KSR2: variants seen among roughly 807,000 people sequenced by gnomAD.
KSR2 encodes the protein kinase suppressor of ras 2.
A neutral mutation model predicts 107.8 loss-of-function variants in KSR2; 25 were observed. The ratio of observed to expected loss-of-function variants is 0.23; its 90% confidence interval spans 0.17 to 0.32. KSR2 has a LOEUF of 0.32. KSR2 is among the 10% of genes least tolerant of loss of function. KSR2 has a pLI of 1.00. For synonymous variants in KSR2, 480 were observed against 507.0 expected (o/e 0.95, Z 0.71); for missense variants, 887 against 1,268.9 (o/e 0.70, Z 4.57).
intron 7 of KSR2, among the ~76,000 whole-genome samples, chr12:117,577,640 T>A (rs1879366551): frequency 6.6e-6 from 1 of 152,112 alleles, no homozygotes; most frequent in Non-Finnish European, 1.5e-5. Flanking sequence ...CAAAAGGCAC[T>A]TCTTACATGG....
chr12:117,968,907 G>T lies in KSR2; in HGVS notation c.-652C>A. 1 of 257,852 alleles carries T rather than the reference G, an allele frequency of 3.9e-6. No individual in the cohort carries two copies. Among genetic ancestry groups the T allele is most frequent in the Middle Eastern group, 1.1e-3 (1 of 918 alleles). The allele number at this position is 257,852 out of a possible 1,614,324, so 16.0% of individuals were successfully genotyped here. ...TCCTCCCCGCGCTGCTGCTGCTGCT[G>T]CTGCTGCCGCCGCCGGGCTCCGGGG... On this transcript the variant is annotated 5_prime_UTR_variant, in exon 1 of 20. Coordinates refer to ENST00000339824, the MANE Select transcript of KSR2 (RefSeq NM_173598.6).
chr12:117,634,670 G>T (rs988202739), intron 5 of KSR2, among the ~76,000 whole-genome samples: 4 of 152,138 alleles, frequency 2.6e-5, no homozygotes, highest in Non-Finnish European at 5.9e-5. Flanking sequence ...AGGAATCAGG[G>T]CTGGATCCCA....
At chr12:117,472,531 T>C (rs770848035) in intron 17 of KSR2, among the ~76,000 whole-genome samples, 1 of 152,212 alleles carries the variant, frequency 6.6e-6, no homozygotes, top group African/African-American at 2.4e-5. Context: ...TAAGATTTCA[T>C]GTAAGTTTGC....
chr12:117,589,402 C>T (rs1021549626), intron 5 of KSR2, among the ~76,000 whole-genome samples: 1 of 152,078 alleles, frequency 6.6e-6, no homozygotes, highest in Non-Finnish European at 1.5e-5. Context: ...TCCATAATTC[C>T]CTTTTAGGTG....
At chr12:117,646,661 C>T (rs983950800) in intron 5 of KSR2, among the ~76,000 whole-genome samples, 9 of 152,192 alleles carry the variant, frequency 5.9e-5, no homozygotes, top group Non-Finnish European at 1.2e-4. Context: ...ATGGAGTCAG[C>T]ATCGAGTTTC....
intron 1 of KSR2, among the ~76,000 whole-genome samples, chr12:117,882,040 G>A (rs1420093096): frequency 1.3e-5 from 2 of 152,162 alleles, no homozygotes; most frequent in Non-Finnish European, 2.9e-5. Flanking sequence ...GCAACTGTAA[G>A]TCTCAGGATG....
At chr12:117,803,028 T>C (rs1049066723) in intron 3 of KSR2, among the ~76,000 whole-genome samples, 1 of 152,232 alleles carries the variant, frequency 6.6e-6, no homozygotes, top group African/African-American at 2.4e-5. Flanking sequence ...GTTTACCTGA[T>C]CTATTTGATG....
Position 117,968,240 on chromosome 12 carries a change from T to C in KSR2, c.16A>G (p.Met6Val). The change falls in exon 1 of 20, where the codon ATG becomes GTG. Residue 6 changes from methionine (M) to valine (V), a missense_variant. This residue lies in a region of KSR2 where 32 missense variants were observed against 25.9 expected (regional missense o/e 1.23). Coordinates refer to ENST00000339824, the MANE Select transcript of KSR2 (RefSeq NM_173598.6). MDEENMTKSEEQQPLS... is the reference protein window; with the variant it reads MDEENVTKSEEQQPLS... ...GGCTGCTGCTCCTCGCTTTTCGTCA[T>C]GTTTTCCTCATCCATCGCTTGCTCT... 2 of 1,593,496 alleles carry C rather than the reference T, an allele frequency of 1.3e-6. No homozygotes were observed. The highest frequency in any genetic ancestry group is 2.3e-5 in the South Asian group (2 of 88,428).
In KSR2 at chr12:117,466,382, A is replaced by C. The variant is rs1231810330; in HGVS notation, c.*817T>G. ...GGTGAGCTCTAAGGAGCCCCTCAGA[A>C]GTCATCTTGGCTTTCCAAATGGCAA... On this transcript the variant is annotated 3_prime_UTR_variant, in exon 20 of 20. Transcript: ENST00000339824. 2.0e-5 allele frequency: 3 copies of C among 152,178 alleles called. No individual in the cohort carries two copies. The highest frequency in any genetic ancestry group is 6.5e-5 in the Admixed American group (1 of 15,280). 9.4% of individuals were successfully genotyped at this position (152,178 alleles called of 1,614,324 possible).
intron 5 of KSR2, among the ~76,000 whole-genome samples, chr12:117,607,951 G>A (rs11068569): frequency 2.0e-5 from 3 of 152,074 alleles, no homozygotes; most frequent in Non-Finnish European, 4.4e-5. Context: ...GGTACCTGCC[G>A]GTCCTCAGCA....
At chr12:117,513,885 C>T (rs533848122) in intron 14 of KSR2, among the ~76,000 whole-genome samples, 1 of 152,312 alleles carries the variant, frequency 6.6e-6, no homozygotes, top group African/African-American at 2.4e-5. Flanking sequence ...TTTTGAATCT[C>T]TTTCATGATC....
chr12:117,875,467 A>C (rs1893811521), intron 1 of KSR2, among the ~76,000 whole-genome samples: 2 of 152,020 alleles, frequency 1.3e-5, no homozygotes, highest in African/African-American at 2.4e-5. Flanking sequence ...AGCAGCGCCA[A>C]GGGAAGGGGC....
chr12:117,466,126 A>G lies in KSR2; in HGVS notation c.*1073T>C, dbSNP rs1871134592. The G allele has an allele frequency of 6.6e-6, 1 of 152,342 alleles. No individual in the cohort carries two copies. The highest frequency in any genetic ancestry group is 2.4e-5 in the African/African-American group (1 of 41,464). The allele number at this position is 152,342 out of a possible 1,614,324, so 9.4% of individuals were successfully genotyped here. ...AACATCCTCCCTTTGTGCTCCCCCA[A>G]CAGGACTCCTCAAGGGTGACAGGCA... On this transcript the variant is annotated 3_prime_UTR_variant, in exon 20 of 20. Transcript: ENST00000339824.
chr12:117,607,729 G>C (rs374925060), intron 5 of KSR2, among the ~76,000 whole-genome samples: 73 of 151,614 alleles, frequency 4.8e-4, no homozygotes, highest in African/African-American at 1.5e-3. Context: ...CAGCCTTGAT[G>C]AGCAGGGGTG....
At chr12:117,957,180 T>C (rs75101566) in intron 1 of KSR2, among the ~76,000 whole-genome samples, 2,483 of 152,280 alleles carry the variant, frequency 0.016, 31 homozygotes, top group Non-Finnish European at 0.027. Context: ...GATTTCACCT[T>C]TGGGGAGTCC....
chr12:117,896,054 T>C (rs1265743258), intron 1 of KSR2, among the ~76,000 whole-genome samples: 3 of 152,238 alleles, frequency 2.0e-5, no homozygotes, highest in African/African-American at 7.2e-5. Context: ...TGAAACTCTG[T>C]GTAAAAAACT....
intron 10 of KSR2, among the ~76,000 whole-genome samples, chr12:117,538,684 T>C (rs1451257564): frequency 2.0e-5 from 3 of 152,266 alleles, no homozygotes; most frequent in Non-Finnish European, 4.4e-5. Flanking sequence ...ATGTGGCTAC[T>C]GAGCCCTTGC....
intron 5 of KSR2, among the ~76,000 whole-genome samples, chr12:117,657,153 G>C (rs571571369): frequency 3.9e-5 from 6 of 151,932 alleles, no homozygotes; most frequent in African/African-American, 1.4e-4. Context: ...GATTGGTTCA[G>C]AGATGAGTAC....
At chr12:117,570,145 G>A (rs1027382108) in intron 7 of KSR2, among the ~76,000 whole-genome samples, 2 of 152,172 alleles carry the variant, frequency 1.3e-5, no homozygotes, top group African/African-American at 4.8e-5. Context: ...TGGGACTACA[G>A]GCGCCTGCCA....
Sources: gnomAD v4.1 joint callset for allele counts (sites outside exome capture counted in the v4.1 genomes callset) on GRCh38, gnomAD v4.1.1 for gene constraint, gnomAD v4.1.1 regional missense constraint, MANE v1.5 for transcripts, NCBI Gene and HGNC (gene_info 2026-07-23, HGNC 2026-07-21) for gene names.